Variants in CASR observed in about 807,000 individuals in gnomAD.
The protein encoded by CASR is extracellular calcium-sensing receptor.
A neutral mutation model predicts 69.1 loss-of-function variants in CASR; 23 were observed. The observed-to-expected ratio is 0.33, with a 90% CI of 0.24 to 0.47. The LOEUF is 0.47. CASR is among the 20% of genes least tolerant of loss of function. The probability of loss-of-function intolerance (pLI) is 1.00; values close to 1 mark genes in which losing one functional copy is unlikely to be tolerated. For synonymous variants in CASR, 541 were observed against 544.7 expected (o/e 0.99, Z 0.10); for missense variants, 924 against 1,356.1 (o/e 0.68, Z 5.00).
rs1249147598 is a variant in CASR, at chr3:122,289,633, C to T, written c.*4442C>T. Reference sequence around the variant, plus strand: ...GCCAGCATGAAGGTGCCTCTGGGAACTGGAGGGACAACTGTGACTCTAGCA... The same window carrying T: ...GCCAGCATGAAGGTGCCTCTGGGAATTGGAGGGACAACTGTGACTCTAGCA... On this transcript the variant is annotated 3_prime_UTR_variant, in exon 7 of 7. Transcript: ENST00000639785. 6.6e-6 allele frequency: 1 copy of T among 152,482 alleles called. No homozygotes were observed. The highest frequency in any genetic ancestry group is 2.4e-5 in the African/African-American group (1 of 41,474). The allele number at this position is 152,482 out of a possible 1,614,324, so 9.4% of individuals were successfully genotyped here.
intron 4 of CASR, among the ~76,000 whole-genome samples, chr3:122,267,869 A>G (rs370226655): frequency 1.7e-4 from 26 of 152,312 alleles, no homozygotes; most frequent in East Asian, 1.5e-3. Flanking sequence ...CCATTTTCCC[A>G]CTTATGGCCC....
Position 122,261,591 on chromosome 3 carries a change from A to T in CASR, c.556A>T (p.Thr186Ser). The stretch of plus-strand genomic sequence containing the variant: ...GAATCAATTCAAGTCTTTCCTCCGA[A>T]CCATCCCCAATGATGAGCACCAGGC... Reference protein sequence around the residue: ...NKNQFKSFLRTIPNDEHQATA... With the variant: ...NKNQFKSFLRSIPNDEHQATA... The change falls in exon 4 of 7, where the codon ACC (threonine) becomes TCC (serine). Residue 186 changes from threonine to serine, a missense_variant. Thr to Ser is a moderately conservative substitution (Grantham distance 58). Around this residue, in one of 8 missense-constraint regions of CASR, gnomAD observed 141 missense variants for 283.0 expected, o/e 0.50. Transcript: ENST00000639785. The T allele has an allele frequency of 6.2e-7, 1 of 1,614,200 alleles. No individual in the cohort carries two copies. The highest frequency in any genetic ancestry group is 8.5e-7 in the Non-Finnish European group (1 of 1,180,028).
chr3:122,249,405 A>G (rs1050391534), intron 1 of CASR, among the ~76,000 whole-genome samples: 1 of 152,192 alleles, frequency 6.6e-6, no homozygotes, highest in Non-Finnish European at 1.5e-5. Context: ...TTCTTTCCCT[A>G]GTGTCTTGCA....
intron 1 of CASR, among the ~76,000 whole-genome samples, chr3:122,217,008 G>A (rs1316327779): frequency 6.6e-6 from 1 of 152,178 alleles, no homozygotes; most frequent in Admixed American, 6.5e-5. Context: ...TCATCCACGT[G>A]GAGCTGACTG....
At chr3:122,241,362 C>T (rs60987349) in intron 1 of CASR, among the ~76,000 whole-genome samples, 3,115 of 151,934 alleles carry the variant, frequency 0.021, 98 homozygotes, top group African/African-American at 0.072. Flanking sequence ...CAACTGATAC[C>T]ACAGAAATTC....
intron 1 of CASR, among the ~76,000 whole-genome samples, chr3:122,209,899 G>A (rs2074045090): frequency 6.6e-6 from 1 of 152,072 alleles, no homozygotes; most frequent in Non-Finnish European, 1.5e-5. Flanking sequence ...ATAATCAAGT[G>A]GGCTTCATCC....
intron 1 of CASR, among the ~76,000 whole-genome samples, chr3:122,190,237 CT>C (rs2073826537): frequency 6.6e-6 from 1 of 152,160 alleles, no homozygotes; most frequent in Non-Finnish European, 1.5e-5. Flanking sequence ...AGTTAGAGCC[CT>C]TATGTGCTAA....
chr3:122,272,441 T>C (rs2074771366), intron 4 of CASR, among the ~76,000 whole-genome samples: 1 of 152,194 alleles, frequency 6.6e-6, no homozygotes, highest in Non-Finnish European at 1.5e-5. Context: ...CCTAATGTGA[T>C]ATCTTTGCCC....
At chr3:122,206,268 G>C (rs1489667843) in intron 1 of CASR, among the ~76,000 whole-genome samples, 1 of 149,214 alleles carries the variant, frequency 6.7e-6, no homozygotes, top group Non-Finnish European at 1.5e-5. Flanking sequence ...TTTGATGAGG[G>C]TTTTTTTTTT....
intron 4 of CASR, among the ~76,000 whole-genome samples, chr3:122,265,025 G>A (rs2074674769): frequency 6.6e-6 from 1 of 152,126 alleles, no homozygotes; most frequent in East Asian, 1.9e-4. Flanking sequence ...CAGCATCTTT[G>A]CATAGGCCAT....
At chr3:122,192,620 A>G (rs1049880688) in intron 1 of CASR, among the ~76,000 whole-genome samples, 4 of 152,252 alleles carry the variant, frequency 2.6e-5, no homozygotes, top group Non-Finnish European at 4.4e-5. Context: ...AAAGCTAACT[A>G]GAGAGCAGGT....
At chr3:122,206,455 T>A (rs181285907) in intron 1 of CASR, among the ~76,000 whole-genome samples, 28 of 152,198 alleles carry the variant, frequency 1.8e-4, no homozygotes, top group Non-Finnish European at 3.5e-4. Flanking sequence ...ATTTTTTTAA[T>A]GTGTTGTTGC....
chr3:122,194,270 G>T (rs1349071318), intron 1 of CASR, among the ~76,000 whole-genome samples: 1 of 152,048 alleles, frequency 6.6e-6, no homozygotes, highest in Non-Finnish European at 1.5e-5. Context: ...TTCCTAGTTG[G>T]CCTTTTATCA....
chr3:122,265,834 G>A lies in CASR; in HGVS notation c.1377+3422G>A, dbSNP rs116494268. Among the ~76,000 whole-genome samples the A allele has an allele frequency of 7.4e-3, 1,120 of 152,278 alleles. 9 individuals are homozygous for A. Among genetic ancestry groups the A allele is most frequent in the African/African-American group, 0.026 (1,071 of 41,536 alleles). ...AACACTCACTAGTCAGAAAACAGGC[G>A]TGCAGCCATGGTGAAGATGGAAGTC... On this transcript the variant is annotated intron_variant, in intron 4 of 6. Transcript: ENST00000639785.
intron 1 of CASR, among the ~76,000 whole-genome samples, chr3:122,211,859 G>T (rs945548528): frequency 6.6e-6 from 1 of 152,190 alleles, no homozygotes; most frequent in Non-Finnish European, 1.5e-5. Context: ...CCCACAATGA[G>T]ATATTATCTC....
chr3:122,217,836 G>C (rs2107599722), intron 1 of CASR, among the ~76,000 whole-genome samples: 1 of 152,200 alleles, frequency 6.6e-6, no homozygotes, highest in South Asian at 2.1e-4. Context: ...ATAAATGTTA[G>C]CTATTATTTT....
chr3:122,271,961 T>A (rs2074763165), intron 4 of CASR, among the ~76,000 whole-genome samples: 1 of 152,206 alleles, frequency 6.6e-6, no homozygotes, highest in African/African-American at 2.4e-5. Context: ...TATACCACAT[T>A]TTATTTATCT....
At chr3:122,198,380 A>T (rs550529726) in intron 1 of CASR, among the ~76,000 whole-genome samples, 13 of 152,220 alleles carry the variant, frequency 8.5e-5, no homozygotes, top group Non-Finnish European at 1.9e-4. Context: ...ACTCATGCAT[A>T]CTGTGAATTA....
In CASR at chr3:122,262,083, G is replaced by A; in HGVS notation, c.1048G>A (p.Glu350Lys). ...RKSVHNGFAK[E>K]FWEETFNCHL... The stretch of plus-strand genomic sequence containing the variant: ...GTCTGTCCACAATGGTTTTGCCAAG[G>A]AGTTTTGGGAAGAAACATTTAACTG... The change falls in exon 4 of 7, where the codon GAG becomes AAG. Residue 350 changes from glutamate to lysine, a missense_variant. Transcript: ENST00000639785. 6.2e-7 allele frequency: 1 copy of A among 1,614,182 alleles called. No homozygotes were observed. Among genetic ancestry groups the A allele is most frequent in the Non-Finnish European group, 8.5e-7 (1 of 1,180,036 alleles).
Sources: allele counts gnomAD v4.1 joint callset (sites outside exome capture counted in the v4.1 genomes callset), GRCh38; gene constraint gnomAD v4.1.1; regional missense constraint gnomAD v4.1.1; transcripts MANE v1.5; gene names NCBI Gene and HGNC (gene_info 2026-07-23, HGNC 2026-07-21).